Variants in NEURL1 observed in about 807,000 individuals in gnomAD.
NEURL1 encodes neuralized E3 ubiquitin protein ligase 1, also known as E3 ubiquitin-protein ligase NEURL1.
NEURL1 carries 26 observed loss-of-function variants against 41.2 expected under a neutral mutation model. The ratio of observed to expected loss-of-function variants is 0.63; its 90% CI spans 0.46 to 0.87. NEURL1 has a LOEUF of 0.87. Among genes scored for constraint, NEURL1 ranks in the 40% least tolerant of loss-of-function variants. NEURL1 has a pLI of 0.00. For missense variants in NEURL1, 761 were observed against 871.1 expected (o/e 0.87, Z 1.59); for synonymous variants, 400 against 402.3 (o/e 0.99, Z 0.07).
At position 103,583,705 on chromosome 10, in the gene NEURL1, C is replaced by CCA. The variant is rs1491282703; in HGVS notation, c.650-831_650-830insCA. Among the ~76,000 whole-genome samples the CCA allele has an allele frequency of 8.9e-3, 175 of 19,578 alleles. 5 individuals carry two copies. The highest frequency in any genetic ancestry group is 0.031 in the African/African-American group (169 of 5,402). The allele number at this position is 19,578 out of a possible 152,430, so 12.8% of individuals were successfully genotyped here. A position where few individuals can be genotyped will look rare whatever the true frequency, so the allele number is the denominator to read the frequency against. ...TGGGCCACAGAGCAAGATCCTGTCT[C>CCA]AAAAAAAAAAAAAAAAAAAAAAAAA... On this transcript the variant is annotated intron_variant, in intron 3 of 5. Coordinates refer to ENST00000369780, the MANE Select transcript of NEURL1 (RefSeq NM_004210.5).
intron 1 of NEURL1, among the ~76,000 whole-genome samples, chr10:103,520,045 G>A (rs980012437): frequency 2.0e-5 from 3 of 152,088 alleles, no homozygotes; most frequent in African/African-American, 7.2e-5. Flanking sequence ...CAGCCTCCCA[G>A]AGTGCTGGGA....
intron 1 of NEURL1, among the ~76,000 whole-genome samples, chr10:103,540,390 A>C (rs970206132): frequency 2.0e-5 from 3 of 152,018 alleles, no homozygotes; most frequent in Non-Finnish European, 4.4e-5. Context: ...CCCGAGTTCA[A>C]GTGATTCTCC....
intron 2 of NEURL1, 69 bp from the exon 3 acceptor site, chr10:103,571,432 A>G: frequency 6.8e-7 from 1 of 1,474,136 alleles, no homozygotes; most frequent in Non-Finnish European, 9.1e-7. Flanking sequence ...AGTCCACCGC[A>G]GGGAGGCTGC....
At chr10:103,511,404 C>T (rs1299774129) in intron 1 of NEURL1, among the ~76,000 whole-genome samples, 1 of 152,160 alleles carries the variant, frequency 6.6e-6, no homozygotes, top group African/African-American at 2.4e-5. Context: ...GCCCAGCAGG[C>T]CTCTGGAATT....
intron 1 of NEURL1, among the ~76,000 whole-genome samples, chr10:103,546,716 G>A (rs2034931353): frequency 1.3e-5 from 2 of 152,226 alleles, no homozygotes; most frequent in Non-Finnish European, 2.9e-5. Flanking sequence ...ATTGATTTGG[G>A]TACTTATTTG....
At chr10:103,537,696 C>T (rs1056399904) in intron 1 of NEURL1, among the ~76,000 whole-genome samples, 2 of 152,126 alleles carry the variant, frequency 1.3e-5, no homozygotes, top group African/African-American at 4.8e-5. Flanking sequence ...GGCTGGCTTA[C>T]GCTTACATTT....
At chr10:103,581,130 C>T (rs1473417082) in intron 3 of NEURL1, among the ~76,000 whole-genome samples, 4 of 152,156 alleles carry the variant, frequency 2.6e-5, no homozygotes, top group East Asian at 1.9e-4. Context: ...CACTTTACCT[C>T]GGATCTTTCC....
In NEURL1 at chr10:103,591,621, G is replaced by A. The variant is rs2133888816; in HGVS notation, c.*1249G>A. 1 of 152,276 alleles carries A rather than the reference G, an allele frequency of 6.6e-6. No individual in the cohort carries two copies. The highest frequency in any genetic ancestry group is 1.9e-4 in the East Asian group (1 of 5,170). 9.4% of individuals were successfully genotyped at this position (152,276 alleles called of 1,614,324 possible). ...AACTCCATAAGGAGGGGCCAAATTG[G>A]GAGGCCTTTTGGCAAACAGTGTCTA... On this transcript the variant is annotated 3_prime_UTR_variant, in exon 6 of 6. Coordinates refer to ENST00000369780, the MANE Select transcript of NEURL1 (RefSeq NM_004210.5).
intron 4 of NEURL1, among the ~76,000 whole-genome samples, chr10:103,587,350 G>A (rs2035943990): frequency 6.6e-6 from 1 of 152,124 alleles, no homozygotes; most frequent in Non-Finnish European, 1.5e-5. Context: ...GAGCAAAGGG[G>A]AGGCTTAAAA....
rs2035157723 is a variant in NEURL1, at chr10:103,556,479, C to G, written c.86-14393C>G. ...GCCGAGTCCAGTGGGCACTGAGGAG[C>G]CTGGGAGAGGCTCAGGAAGGAAGGA... On this transcript the variant is annotated intron_variant, in intron 1 of 5. Transcript: ENST00000369780. The surrounding 1 kb of genome is among the most constrained non-coding windows in gnomAD (Gnocchi z 4.4). 6.6e-6 allele frequency among the ~76,000 whole-genome samples: 1 copy of G among 152,038 alleles called. No individual in the cohort carries two copies. The highest frequency in any genetic ancestry group is 1.5e-5 in the Non-Finnish European group (1 of 68,006).
chr10:103,517,461 A>G (rs1040016011), intron 1 of NEURL1: 1 of 152,286 alleles, frequency 6.6e-6, no homozygotes, highest in Non-Finnish European at 1.5e-5. Context: ...ACTCAACACA[A>G]TGGCTTTGTG....
intron 1 of NEURL1, among the ~76,000 whole-genome samples, chr10:103,564,435 GC>G (rs563063243): frequency 3.7e-4 from 56 of 151,892 alleles, no homozygotes; most frequent in Admixed American, 7.2e-4. Flanking sequence ...CAGCCCACAC[GC>G]CCCCCCCATT....
chr10:103,571,766 A>G lies in NEURL1; in HGVS notation c.593A>G (p.Asp198Gly). 6.2e-7 allele frequency: 1 copy of G among 1,613,654 alleles called. No individual in the cohort carries two copies. The highest frequency in any genetic ancestry group is 1.1e-5 in the South Asian group (1 of 91,068). ...TTCTTCAGCGGGGTCCGCACGGCCG[A>G]CCCGCTCTGGGCCCTGGTGGACGTC... Reference protein sequence around the residue: ...MLFFSGVRTADPLWALVDVYG... With the variant: ...MLFFSGVRTAGPLWALVDVYG... The change falls in exon 3 of 6, where the codon GAC (aspartate) becomes GGC (glycine). Residue 198 changes from aspartate (D) to glycine (G), a missense_variant. Physicochemically the swap from Asp to Gly is moderately conservative, Grantham distance 94. This residue lies in a region of NEURL1 where 114 missense variants were observed against 144.8 expected (regional missense o/e 0.79). Transcript: ENST00000369780.
chr10:103,509,291 T>C (rs1439095481), intron 1 of NEURL1, among the ~76,000 whole-genome samples: 1 of 149,262 alleles, frequency 6.7e-6, no homozygotes, highest in African/African-American at 2.5e-5. Flanking sequence ...GGCTTAACAA[T>C]GGGGACACAT....
At chr10:103,515,715 C>T (rs1302864606) in intron 1 of NEURL1, among the ~76,000 whole-genome samples, 1 of 152,150 alleles carries the variant, frequency 6.6e-6, no homozygotes, top group Non-Finnish European at 1.5e-5. Flanking sequence ...AACTAGTGTC[C>T]ACACAGACCC....
Position 103,591,912 on chromosome 10 carries a change from CCT to C in NEURL1, c.*1544_*1545del, listed in dbSNP as rs2036057485. On this transcript the variant is annotated 3_prime_UTR_variant, in exon 6 of 6. Transcript: ENST00000369780. Reference sequence around the variant, plus strand: ...AGGGAAGATGAGGAGGCAAGGGCTGCCTCTCACACCTCCAGGTTCTCTAAGTT... The same window carrying C: ...AGGGAAGATGAGGAGGCAAGGGCTGCCTCACACCTCCAGGTTCTCTAAGTT... 2 of 152,362 alleles carry C rather than the reference CCT, an allele frequency of 1.3e-5. No individual in the cohort carries two copies. Among genetic ancestry groups the C allele is most frequent in the South Asian group, 4.1e-4 (2 of 4,832 alleles). The allele number at this position is 152,362 out of a possible 1,614,324, so 9.4% of individuals were successfully genotyped here.
chr10:103,494,708 T>TC, intron 1 of NEURL1: 2 of 526,470 alleles, frequency 3.8e-6, no homozygotes, highest in East Asian at 3.5e-5. Flanking sequence ...GTCACTGGAG[T>TC]CCCCTCAGGC....
At chr10:103,570,734 A>G (rs2035521922) in intron 1 of NEURL1, 138 bp from the exon 2 acceptor site, 2 of 1,397,688 alleles carry the variant, frequency 1.4e-6, no homozygotes, top group Non-Finnish European at 1.9e-6. Context: ...GGATGGTGGC[A>G]AGGGGTGGCG....
At chr10:103,583,629 C>G (rs528639150) in intron 3 of NEURL1, among the ~76,000 whole-genome samples, 5 of 131,284 alleles carry the variant, frequency 3.8e-5, no homozygotes, top group African/African-American at 1.4e-4. Flanking sequence ...TGGCTTGAGC[C>G]TGGGAGGCGG....
Sources: gnomAD v4.1 joint callset for allele counts (sites outside exome capture counted in the v4.1 genomes callset) on GRCh38, gnomAD v4.1.1 for gene constraint, gnomAD v4.1.1 regional missense constraint, Gnocchi (gnomAD v3.1) non-coding constraint, MANE v1.5 for transcripts, NCBI Gene and HGNC (gene_info 2026-07-23, HGNC 2026-07-21) for gene names.